FANK1: variants seen among roughly 807,000 people sequenced by gnomAD.
FANK1 encodes the protein fibronectin type III and ankyrin repeat domains 1.
In FANK1, 44 loss-of-function variants were observed where a neutral mutation model predicts 45.3. That is an observed-to-expected ratio of 0.97 (90% CI 0.76 to 1.25). The LOEUF (loss-of-function observed/expected upper bound fraction) is 1.25. Among genes scored for constraint, FANK1 ranks in the 50% most tolerant of loss-of-function variants. The pLI is 0.00. For missense variants in FANK1, 391 were observed against 424.4 expected (o/e 0.92, Z 0.69); for synonymous variants, 149 against 152.5 (o/e 0.98, Z 0.17).
chr10:125,952,040 CTG>C (rs1949267145), intron 1 of FANK1, among the ~76,000 whole-genome samples: 1 of 152,182 alleles, frequency 6.6e-6, no homozygotes, highest in African/African-American at 2.4e-5. Flanking sequence ...TTATCTGGAA[CTG>C]TCAGACTTTG....
chr10:125,968,891 A>G (rs1184982320), intron 1 of FANK1, among the ~76,000 whole-genome samples: 1 of 152,180 alleles, frequency 6.6e-6, no homozygotes, highest in Non-Finnish European at 1.5e-5. Context: ...CTGAGTAACC[A>G]TAGGGACTGA....
chr10:125,949,439 A>G (rs956560181), intron 1 of FANK1, among the ~76,000 whole-genome samples: 35 of 152,328 alleles, frequency 2.3e-4, no homozygotes, highest in Non-Finnish European at 4.4e-4. Flanking sequence ...TACAAAATCA[A>G]TGTACAAAAA....
chr10:125,949,164 A>C (rs1033157528), intron 1 of FANK1, among the ~76,000 whole-genome samples: 1 of 151,996 alleles, frequency 6.6e-6, no homozygotes, highest in African/African-American at 2.4e-5. Context: ...CCAATATCAT[A>C]CTGAATGGGC....
At chr10:125,958,596 A>G (rs1949727455) in intron 1 of FANK1, among the ~76,000 whole-genome samples, 1 of 152,130 alleles carries the variant, frequency 6.6e-6, no homozygotes. Flanking sequence ...ACTACTTTAC[A>G]TTCCCACCAA....
chr10:126,006,134 T>C (rs555427684), intron 7 of FANK1, among the ~76,000 whole-genome samples: 1 of 152,212 alleles, frequency 6.6e-6, no homozygotes, highest in Non-Finnish European at 1.5e-5. Flanking sequence ...CCAGATGGTG[T>C]GTAGAGTGCT....
chr10:125,912,114 C>G (rs1299079775), intron 1 of FANK1, among the ~76,000 whole-genome samples: 1 of 152,172 alleles, frequency 6.6e-6, no homozygotes, highest in Non-Finnish European at 1.5e-5. Flanking sequence ...GACTGGTTGA[C>G]ATAAGGCGGG....
chr10:125,896,825 C>T (rs1459998122), intron 1 of FANK1, among the ~76,000 whole-genome samples, 170 bp downstream of exon 1: 2 of 152,278 alleles, frequency 1.3e-5, no homozygotes, highest in African/African-American at 4.8e-5. Flanking sequence ...GAGAAGGGGG[C>T]TACATCCTGC....
intron 1 of FANK1, among the ~76,000 whole-genome samples, chr10:125,923,175 C>T (rs1037926687): frequency 1.3e-5 from 2 of 151,408 alleles, no homozygotes; most frequent in South Asian, 2.1e-4. Context: ...AAATTCATAT[C>T]TCACCAAGTA....
rs57356060 is a variant in FANK1 at position 125,952,800 on chromosome 10, T to TAC, written c.14-27302_14-27301dup. 2.7e-3 allele frequency among the ~76,000 whole-genome samples: 323 copies of TAC among 117,834 alleles called. 4 individuals carry two copies. The highest frequency in any genetic ancestry group is 0.01 in the East Asian group (39 of 3,786). 77.3% of individuals were successfully genotyped at this position (117,834 alleles called of 152,430 possible). On this transcript the variant is annotated intron_variant, in intron 1 of 10. Coordinates refer to ENST00000368693, the MANE Select transcript of FANK1 (RefSeq NM_145235.5). ...GCTGTGGTGCCCAGCAGGAAATACATACACACACACACACACACACACACA... is the reference window on the plus strand; with the variant it reads ...GCTGTGGTGCCCAGCAGGAAATACATACACACACACACACACACACACACACA...
At chr10:125,929,140 G>A (rs1947580660) in intron 1 of FANK1, among the ~76,000 whole-genome samples, 1 of 152,226 alleles carries the variant, frequency 6.6e-6, no homozygotes. Context: ...GAAGAGCCAG[G>A]TGGTTGAAGC....
At chr10:125,981,058 C>T (rs1951177013) in intron 2 of FANK1, among the ~76,000 whole-genome samples, 1 of 152,174 alleles carries the variant, frequency 6.6e-6, no homozygotes, top group Non-Finnish European at 1.5e-5. Context: ...ACTTCTTGTT[C>T]CTTTCCTGCC....
chr10:125,991,034 A>T (rs1438202552), intron 3 of FANK1, among the ~76,000 whole-genome samples: 1 of 152,182 alleles, frequency 6.6e-6, no homozygotes, highest in African/African-American at 2.4e-5. Context: ...ACACATGTGA[A>T]TTATGGGAGC....
chr10:126,005,133 T>A, intron 7 of FANK1, 84 bp downstream of exon 7: 2 of 1,471,632 alleles, frequency 1.4e-6, no homozygotes, highest in Non-Finnish European at 1.8e-6. Context: ...AGCAGGGCCT[T>A]TGATTAGCTA....
intron 6 of FANK1, chr10:126,004,321 T>C (rs1392621302): frequency 6.6e-6 from 1 of 151,916 alleles, no homozygotes; most frequent in Non-Finnish European, 1.5e-5. Flanking sequence ...AAATCCAATA[T>C]TTTACCCTCA....
chr10:125,917,632 A>G (rs1176550366), intron 1 of FANK1, among the ~76,000 whole-genome samples: 1 of 142,868 alleles, frequency 7.0e-6, no homozygotes, highest in East Asian at 2.1e-4. Context: ...TATAAAACTT[A>G]TATTAAGTAA....
At position 125,997,444 on chromosome 10, in the gene FANK1, T is replaced by TG; in HGVS notation, c.500dup (p.Thr168HisfsTer39). The TG allele has an allele frequency of 6.2e-7, 1 of 1,613,894 alleles. No individual in the cohort carries two copies. The highest frequency in any genetic ancestry group is 8.5e-7 in the Non-Finnish European group (1 of 1,179,934). ...GGCTTGTGAAAATCCTAGTTTCTAA[T>TG]GGCACAGACGTGAATCTGAAGAATG... On this transcript the variant is annotated frameshift_variant, in exon 6 of 11. Coordinates refer to ENST00000368693, the MANE Select transcript of FANK1 (RefSeq NM_145235.5). LOFTEE classifies it high-confidence loss of function.
rs1378076848 is a variant in FANK1 at position 125,911,427 on chromosome 10, G to T, written c.13+14772G>T. 2.0e-5 allele frequency among the ~76,000 whole-genome samples: 3 copies of T among 152,212 alleles called. No individual in the cohort carries two copies. The East Asian group carries it at 5.8e-4, about 29-fold the overall frequency. On this transcript the variant is annotated intron_variant, in intron 1 of 10. Transcript: ENST00000368693. ...ATAAGATAAGTTTCTGTTGTTTTAA[G>T]CTGCTACATTTGTGGTAACTAATTA...
intron 1 of FANK1, among the ~76,000 whole-genome samples, chr10:125,955,462 A>G (rs570205155): frequency 6.6e-6 from 1 of 152,196 alleles, no homozygotes; most frequent in African/African-American, 2.4e-5. Context: ...CATAGTTGTA[A>G]CATCAAAGTT....
chr10:125,932,509 T>C (rs1170687903), intron 1 of FANK1, among the ~76,000 whole-genome samples: 5 of 152,206 alleles, frequency 3.3e-5, no homozygotes, highest in South Asian at 4.1e-4. Flanking sequence ...CCTTGGTCGC[T>C]GTTGGTGTAT....
Sources: allele counts gnomAD v4.1 joint callset (sites outside exome capture counted in the v4.1 genomes callset), GRCh38; gene constraint gnomAD v4.1.1; transcripts MANE v1.5; gene names NCBI Gene and HGNC (gene_info 2026-07-23, HGNC 2026-07-21).